TMEM182: variants seen among roughly 807,000 people sequenced by gnomAD.
TMEM182 encodes the protein transmembrane protein 182.
In TMEM182, 20 loss-of-function variants were observed where a neutral mutation model predicts 26.8. The ratio of observed to expected loss-of-function variants is 0.75; its 90% confidence interval spans 0.53 to 1.09. The LOEUF is 1.09. Among genes scored for constraint, TMEM182 ranks in the 50% least tolerant of loss-of-function variants. The pLI is 0.00. For missense variants in TMEM182, 277 were observed against 275.5 expected (o/e 1.01, Z -0.04); for synonymous variants, 109 against 102.2 (o/e 1.07, Z -0.40).
At chr2:102,796,414 C>G (rs1262802737) in intron 3 of TMEM182, among the ~76,000 whole-genome samples, 1 of 152,180 alleles carries the variant, frequency 6.6e-6, no homozygotes, top group African/African-American at 2.4e-5. Context: ...GATTATACCC[C>G]TAGCACTTGG....
intron 3 of TMEM182, among the ~76,000 whole-genome samples, chr2:102,796,859 T>G (rs551063483): frequency 6.6e-6 from 1 of 152,340 alleles, no homozygotes; most frequent in African/African-American, 2.4e-5. Context: ...ATTTCTTCTT[T>G]GCCAGGAAGG....
intron 3 of TMEM182, among the ~76,000 whole-genome samples, chr2:102,835,805 G>A (rs199836832): frequency 5.9e-5 from 9 of 151,460 alleles, no homozygotes; most frequent in South Asian, 2.1e-4. Flanking sequence ...CCATTAACTC[G>A]TCATTTACAT....
chr2:102,800,577 G>T (rs561811492), intron 4 of TMEM182, among the ~76,000 whole-genome samples: 2 of 151,970 alleles, frequency 1.3e-5, no homozygotes, highest in East Asian at 1.9e-4. Flanking sequence ...TTCCAGTAAG[G>T]GTACACATTT....
chr2:102,769,074 C>T (rs1401034186), intron 3 of TMEM182, among the ~76,000 whole-genome samples: 1 of 152,128 alleles, frequency 6.6e-6, no homozygotes, highest in Non-Finnish European at 1.5e-5. Context: ...CTCTTTCATC[C>T]TCAGAAAAGA....
At chr2:102,775,828 A>G (rs1035285665) in intron 3 of TMEM182, among the ~76,000 whole-genome samples, 2 of 152,212 alleles carry the variant, frequency 1.3e-5, no homozygotes, top group African/African-American at 2.4e-5. Flanking sequence ...AATCCAACTT[A>G]CAAGGGATGT....
chr2:102,786,210 G>GTTTTTTTTTTTTTTTTTTTTTTTTTTTTT (rs772846502), intron 3 of TMEM182, among the ~76,000 whole-genome samples: 1 of 91,794 alleles, frequency 1.1e-5, no homozygotes, highest in Non-Finnish European at 2.0e-5. Flanking sequence ...TCAGCAATCT[G>GTTTTTTTTTTTTTTTTTTTTTTTTTTTTT]TTTTTTTTTT....
chr2:102,842,941 A>G (rs1683382410), intron 3 of TMEM182, among the ~76,000 whole-genome samples: 1 of 152,178 alleles, frequency 6.6e-6, no homozygotes, highest in Non-Finnish European at 1.5e-5. Flanking sequence ...TGGAGGGGCC[A>G]CTGACACCTC....
chr2:102,738,175 G>T (rs569000089), intron 1 of TMEM182, among the ~76,000 whole-genome samples: 37 of 152,174 alleles, frequency 2.4e-4, no homozygotes, highest in Non-Finnish European at 2.8e-4. Context: ...TGAAAGGGCT[G>T]CTCATGTTAA....
intron 3 of TMEM182, among the ~76,000 whole-genome samples, chr2:102,767,079 T>C (rs1175992624): frequency 6.6e-6 from 1 of 152,214 alleles, no homozygotes; most frequent in Non-Finnish European, 1.5e-5. Context: ...TCTACTAAAC[T>C]ACAATGAATG....
intron 3 of TMEM182, among the ~76,000 whole-genome samples, chr2:102,830,706 A>G (rs968445763): frequency 2.0e-5 from 3 of 152,156 alleles, no homozygotes; most frequent in African/African-American, 7.2e-5. Context: ...ATCCAGTTAC[A>G]CTGTTTAAGT....
chr2:102,774,250 C>CTTTTTTTTT (rs774047240), intron 3 of TMEM182, among the ~76,000 whole-genome samples: 89 of 96,108 alleles, frequency 9.3e-4, no homozygotes, highest in South Asian at 2.5e-3. Flanking sequence ...TTCTTTCTTT[C>CTTTTTTTTT]TTTTTTTTTT....
intron 1 of TMEM182, among the ~76,000 whole-genome samples, chr2:102,750,006 G>A (rs4851637): frequency 4.6e-5 from 7 of 151,154 alleles, no homozygotes; most frequent in Admixed American, 4.6e-4. Flanking sequence ...TCTATCTGGC[G>A]ATCATATTAA....
At chr2:102,763,365 ATAGC>A (rs1308690219) in intron 2 of TMEM182, among the ~76,000 whole-genome samples, 1 of 152,220 alleles carries the variant, frequency 6.6e-6, no homozygotes, top group Non-Finnish European at 1.5e-5. Context: ...TTTATTGAAA[ATAGC>A]TAGCGCTTAT....
chr2:102,775,224 C>T (rs1680857837), intron 3 of TMEM182: 1 of 152,114 alleles, frequency 6.6e-6, no homozygotes, highest in Non-Finnish European at 1.5e-5. Flanking sequence ...GGATGCAAGG[C>T]TGGTTCAATA....
At chr2:102,831,422 C>A (rs982977719) in intron 3 of TMEM182, among the ~76,000 whole-genome samples, 6 of 152,190 alleles carry the variant, frequency 3.9e-5, no homozygotes, top group African/African-American at 7.2e-5. Flanking sequence ...ATCCACCCTG[C>A]ATACACGACC....
chr2:102,821,620 G>C (rs552396998), downstream of TMEM182, among the ~76,000 whole-genome samples: 2 of 152,256 alleles, frequency 1.3e-5, no homozygotes, highest in Non-Finnish European at 2.9e-5. Context: ...ACAGTCTCGG[G>C]TATTTCTTTA....
At chr2:102,800,941 G>GAGACGTGGTTTTGCCAT (rs1682101843) in intron 4 of TMEM182, among the ~76,000 whole-genome samples, 1 of 151,998 alleles carries the variant, frequency 6.6e-6, no homozygotes. Flanking sequence ...GAACTGTGTA[G>GAGACGTGGTTTTGCCAT]GAGGATAAAG....
At chr2:102,758,060 A>G (rs2540306), upstream of TMEM182, among the ~76,000 whole-genome samples, 36,498 of 152,062 alleles carry the variant, frequency 0.24, 4,454 homozygotes, top group South Asian at 0.28. Flanking sequence ...AATCCAAACC[A>G]TATCACTCAG....
chr2:102,818,352 A>G (rs1682819622), downstream of TMEM182, among the ~76,000 whole-genome samples: 1 of 152,196 alleles, frequency 6.6e-6, no homozygotes, highest in Non-Finnish European at 1.5e-5. Flanking sequence ...ATGGGGATAT[A>G]GTATCTTTCG....
Sources: allele counts gnomAD v4.1 joint callset (sites outside exome capture counted in the v4.1 genomes callset), GRCh38; gene constraint gnomAD v4.1.1; transcripts MANE v1.5; gene names NCBI Gene and HGNC (gene_info 2026-07-23, HGNC 2026-07-21).